The following ATR variants were observed in gnomAD, a reference collection of about 807,000 sequenced individuals.
The protein encoded by ATR is serine/threonine-protein kinase ATR.
A neutral mutation model predicts 305.3 loss-of-function variants in ATR; 142 were observed. The ratio of observed to expected loss-of-function variants is 0.47; its 90% CI spans 0.41 to 0.53. The LOEUF (loss-of-function observed/expected upper bound fraction) is 0.53. ATR is among the 20% of genes least tolerant of loss of function. The pLI, the probability that ATR is intolerant of heterozygous loss-of-function variation, is 0.00. For missense variants in ATR, 2,135 were observed against 3,133.1 expected, an observed-to-expected ratio of 0.68 and a Z score of 7.60; for synonymous variants, 1,050 against 1,068.1, an observed-to-expected ratio of 0.98 and a Z score of 0.33.
At chr3:142,450,819 A>C (rs1212518151) in intron 46 of ATR, 2 of 1,392,590 alleles carry the variant, frequency 1.4e-6, no homozygotes, top group East Asian at 5.5e-5. Flanking sequence ...AACCACAAGC[A>C]GACAGAGCTT....
At chr3:142,501,077 T>C (rs1295051813) in intron 30 of ATR, among the ~76,000 whole-genome samples, 1 of 152,140 alleles carries the variant, frequency 6.6e-6, no homozygotes, top group Admixed American at 6.5e-5. Flanking sequence ...ATTTGTTTAA[T>C]GCAAACAGAA....
At chr3:142,473,941 ATTTT>A (rs141622968) in intron 36 of ATR, among the ~76,000 whole-genome samples, 24 of 114,876 alleles carry the variant, frequency 2.1e-4, no homozygotes, top group African/African-American at 7.0e-4. Flanking sequence ...AAGTTATTGG[ATTTT>A]TTTTTTTTTT....
chr3:142,516,276 T>C (rs964070998), intron 24 of ATR, among the ~76,000 whole-genome samples: 4 of 152,132 alleles, frequency 2.6e-5, no homozygotes, highest in Non-Finnish European at 5.9e-5. Context: ...ACCCACTCCA[T>C]TGCCACACTG....
Position 142,562,814 on chromosome 3 carries a change from C to A in ATR, c.588G>T (p.Leu196Phe), listed in dbSNP as rs1441692843. 1 of 1,606,968 alleles carries A rather than the reference C, an allele frequency of 6.2e-7. No individual in the cohort carries two copies. Among genetic ancestry groups the A allele is most frequent in the East Asian group, 2.2e-5 (1 of 44,828 alleles). Residue 196 changes from leucine (L) to phenylalanine (F), a missense_variant, in exon 4 of 47, where the codon TTG (leucine) becomes TTT (phenylalanine). Physicochemically the swap from Leu to Phe is conservative, Grantham distance 22. Transcript: ENST00000350721. ...TAAATTCTAAATTTTGCATACTCAT[C>A]AACTGCAAAGGAGCTGATTGTAAAT... is the stretch of plus-strand genomic sequence containing the variant. ...MGYLQSAPLQ[L>F]MSMQNLEFIE...
At chr3:142,522,990 G>A (rs1157557917) in intron 22 of ATR, 149 bp from the exon 23 acceptor site, 8 of 689,990 alleles carry the variant, frequency 1.2e-5, no homozygotes, top group Non-Finnish European at 2.0e-5. Flanking sequence ...AACTAAGTTT[G>A]GTATCAAGAC....
intron 36 of ATR, among the ~76,000 whole-genome samples, chr3:142,475,315 T>C (rs1252056135): frequency 6.6e-6 from 1 of 152,182 alleles, no homozygotes; most frequent in Non-Finnish European, 1.5e-5. Flanking sequence ...GTTCTCATTG[T>C]TCAATTCCCA....
At chr3:142,474,083 T>G (rs986374147) in intron 36 of ATR, among the ~76,000 whole-genome samples, 11 of 151,898 alleles carry the variant, frequency 7.2e-5, no homozygotes, top group South Asian at 4.2e-4. Context: ...TGTGCCACCA[T>G]GCCTGGCTAA....
chr3:142,513,393 C>A, intron 26 of ATR, 108 bp downstream of exon 26: 1 of 1,285,728 alleles, frequency 7.8e-7, no homozygotes, highest in East Asian at 2.3e-5. Context: ...CATACATAGC[C>A]ATACATAGGT....
At chr3:142,523,645 T>G (rs570997661) in intron 22 of ATR, among the ~76,000 whole-genome samples, 1 of 152,302 alleles carries the variant, frequency 6.6e-6, no homozygotes, top group Non-Finnish European at 1.5e-5. Flanking sequence ...CTCATTTGAC[T>G]ACAAAACATT....
At chr3:142,489,699 C>T (rs534953751) in intron 35 of ATR, among the ~76,000 whole-genome samples, 11 of 152,208 alleles carry the variant, frequency 7.2e-5, no homozygotes, top group African/African-American at 2.6e-4. Flanking sequence ...GTTTGTTTAC[C>T]CATTCTTCTC....
rs1446046479 is a variant in ATR, at chr3:142,468,143, CA to C, written c.6553-76del. ...TTTAAAAGATAAATTTTTTGCTTGA[CA>C]AAAAACTTAAAAAGTATTCATGATG... On this transcript the variant is annotated intron_variant, in intron 38 of 46. Transcript: ENST00000350721. 6.5e-6 allele frequency: 10 copies of C among 1,534,928 alleles called. No individual in the cohort carries two copies. The African/African-American group carries it at 1.2e-4, about 19-fold the overall frequency.
intron 46 of ATR, chr3:142,450,453 A>G: frequency 6.2e-7 from 1 of 1,600,548 alleles, no homozygotes; most frequent in Non-Finnish European, 8.5e-7. Context: ...ATCACCACAG[A>G]GCTATTACTC....
At chr3:142,546,961 C>G (rs1338681892) in intron 16 of ATR, among the ~76,000 whole-genome samples, 1 of 152,116 alleles carries the variant, frequency 6.6e-6, no homozygotes, top group Non-Finnish European at 1.5e-5. Flanking sequence ...GAATGGTAAG[C>G]TTGTAGAAGT....
At chr3:142,566,639 A>AG (rs1176132355) in intron 2 of ATR, among the ~76,000 whole-genome samples, 1 of 151,156 alleles carries the variant, frequency 6.6e-6, no homozygotes, top group East Asian at 1.9e-4. Context: ...TAAAAAAAAA[A>AG]AAACAAAAAG....
chr3:142,530,138 T>C (rs1007095903), intron 21 of ATR, among the ~76,000 whole-genome samples: 2 of 152,096 alleles, frequency 1.3e-5, no homozygotes, highest in African/African-American at 4.8e-5. Flanking sequence ...TTTATCTCAT[T>C]TTTCTTCTGT....
At chr3:142,458,413 T>C (rs971163329) in intron 44 of ATR, among the ~76,000 whole-genome samples, 2 of 152,184 alleles carry the variant, frequency 1.3e-5, no homozygotes, top group Non-Finnish European at 2.9e-5. Flanking sequence ...CTGTAGATGA[T>C]GGAGGTGAAG....
chr3:142,534,207 G>C (rs1359748246), intron 21 of ATR, among the ~76,000 whole-genome samples: 1 of 152,158 alleles, frequency 6.6e-6, no homozygotes, highest in African/African-American at 2.4e-5. Context: ...GTAGTTTAGA[G>C]CAGGAATAGA....
At chr3:142,494,909 A>C (rs1391581348) in intron 34 of ATR, among the ~76,000 whole-genome samples, 1 of 152,218 alleles carries the variant, frequency 6.6e-6, no homozygotes, top group African/African-American at 2.4e-5. Flanking sequence ...ATGGTTGTTA[A>C]TATTGTTAGA....
At position 142,451,022 on chromosome 3, in the gene ATR, A is replaced by T. The variant is rs2070777177; in HGVS notation, c.7762-1420T>A. ...GAACTACACCATCAATTCCGTCTTA[A>T]GAGACACCAGTGAATATGAATCATC... On this transcript the variant is annotated intron_variant, in intron 46 of 46. Coordinates refer to ENST00000350721, the MANE Select transcript of ATR (RefSeq NM_001184.4). 10 of 1,262,782 alleles carry T rather than the reference A, an allele frequency of 7.9e-6. No individual in the cohort carries two copies. In the South Asian group the frequency reaches 1.5e-4, roughly 18 times the overall value. The allele number at this position is 1,262,782 out of a possible 1,614,324, so 78.2% of individuals were successfully genotyped here.
Sources: gnomAD v4.1 joint callset for allele counts (sites outside exome capture counted in the v4.1 genomes callset) on GRCh38, gnomAD v4.1.1 for gene constraint, MANE v1.5 for transcripts, NCBI Gene and HGNC (gene_info 2026-07-23, HGNC 2026-07-21) for gene names.